The following FRMPD1 variants were observed in gnomAD, a reference collection of about 807,000 sequenced individuals.
FRMPD1 encodes FERM and PDZ domain containing 1.
Under a neutral mutation model 117.8 loss-of-function variants are expected in FRMPD1, and 76 were observed. The observed-to-expected ratio is 0.65, with a 90% CI of 0.54 to 0.78. The LOEUF is 0.78. Among genes scored for constraint, FRMPD1 ranks in the 30% least tolerant of loss-of-function variants. The pLI is 0.00. For missense variants in FRMPD1, 1,786 were observed against 1,964.5 expected, an observed-to-expected ratio of 0.91 and a Z score of 1.72; for synonymous variants, 783 against 770.4, an observed-to-expected ratio of 1.02 and a Z score of -0.27.
chr9:37,731,501 T>C (rs1022411693), intron 9 of FRMPD1, among the ~76,000 whole-genome samples: 1 of 152,234 alleles, frequency 6.6e-6, no homozygotes, highest in Non-Finnish European at 1.5e-5. Context: ...AACCTGGTTC[T>C]TGATCCGTGG....
intron 1 of FRMPD1, among the ~76,000 whole-genome samples, chr9:37,680,608 G>T (rs541134776): frequency 2.6e-5 from 4 of 152,122 alleles, no homozygotes; most frequent in Non-Finnish European, 4.4e-5. Context: ...GGTGATGGGG[G>T]TCCAGGGTGC....
At position 37,652,416 on chromosome 9, in the gene FRMPD1, C is replaced by T. The variant is rs530054617; in HGVS notation, c.-5+1322C>T. Among the ~76,000 whole-genome samples the T allele has an allele frequency of 7.2e-5, 11 of 152,216 alleles. No individual in the cohort carries two copies. In the South Asian group the frequency reaches 2.3e-3, roughly 32 times the overall value. Reference sequence around the variant, plus strand: ...TAGAAAGTGAAATTTATTCTTTTGCCCAATATCTTGTTCCCCTTGTGCTGC... The same window carrying T: ...TAGAAAGTGAAATTTATTCTTTTGCTCAATATCTTGTTCCCCTTGTGCTGC... On this transcript the variant is annotated intron_variant, in intron 1 of 15. Coordinates refer to ENST00000377765, the MANE Select transcript of FRMPD1 (RefSeq NM_014907.3).
intron 1 of FRMPD1, among the ~76,000 whole-genome samples, chr9:37,672,626 C>G (rs979739047): frequency 2.0e-5 from 3 of 152,080 alleles, no homozygotes; most frequent in Admixed American, 6.5e-5. Flanking sequence ...ACAGATCTAG[C>G]AAGTGGCATG....
At chr9:37,698,662 AGAGATTCTCCT>A (rs773439299) in intron 2 of FRMPD1, among the ~76,000 whole-genome samples, 7 of 147,674 alleles carry the variant, frequency 4.7e-5, no homozygotes, top group Non-Finnish European at 1.0e-4. Context: ...CCTGGGTTCA[AGAGATTCTCCT>A]GCCTCAGTCG....
In FRMPD1 at chr9:37,659,915, T is replaced by TA. The variant is rs36016239; in HGVS notation, c.-5+8840dup. On this transcript the variant is annotated intron_variant, in intron 1 of 15. Transcript: ENST00000377765. ...TGTTTGCAGTTGACTTTTCAAGCAC[T>TA]AAAAAAAAAAAAAAAAAAACAAAAC... is the stretch of plus-strand genomic sequence containing the variant. Among the ~76,000 whole-genome samples the TA allele has an allele frequency of 2.7e-3, 280 of 103,612 alleles. 2 individuals are homozygous for TA. The highest frequency in any genetic ancestry group is 0.011 in the Middle Eastern group (2 of 190). The allele number at this position is 103,612 out of a possible 152,430, so 68.0% of individuals were successfully genotyped here.
intron 1 of FRMPD1, among the ~76,000 whole-genome samples, chr9:37,685,491 A>AC (rs1821897210): frequency 6.6e-6 from 1 of 152,018 alleles, no homozygotes; most frequent in African/African-American, 2.4e-5. Flanking sequence ...AAAATACAAA[A>AC]AAAAAAAAAA....
rs150663101 is a variant in FRMPD1, at chr9:37,746,749, C to T, written c.4717C>T (p.Arg1573Trp). 68 of 1,613,838 alleles carry T rather than the reference C, an allele frequency of 4.2e-5. No homozygotes were observed. In the Admixed American group the frequency reaches 5.8e-4, roughly 14 times the overall value. Reference protein sequence around the residue: ...AAVFCLTQKFRASTAL With the variant: ...AAVFCLTQKFWASTAL ...CGTGTTCTGTTTGACCCAGAAGTTCCGGGCATCCACGGCCCTGTAAACAGG... is the reference window on the plus strand; with the variant it reads ...CGTGTTCTGTTTGACCCAGAAGTTCTGGGCATCCACGGCCCTGTAAACAGG... Residue 1573 changes from arginine (R) to tryptophan (W), a missense_variant, in exon 16 of 16, where the codon CGG (arginine) becomes TGG (tryptophan). Arg to Trp is a moderately radical substitution (Grantham distance 101). Coordinates refer to ENST00000377765, the MANE Select transcript of FRMPD1 (RefSeq NM_014907.3).
intron 5 of FRMPD1, among the ~76,000 whole-genome samples, chr9:37,717,445 T>C (rs1430267653): frequency 6.7e-6 from 1 of 149,650 alleles, no homozygotes; most frequent in Non-Finnish European, 1.5e-5. Flanking sequence ...AGTGGTGCAA[T>C]CTCGGCTCAC....
At position 37,740,712 on chromosome 9, in the gene FRMPD1, C is replaced by T. The variant is rs148986484; in HGVS notation, c.2184C>T (p.Ser728=). The T allele has an allele frequency of 5.4e-4, 876 of 1,614,070 alleles. 4 individuals are homozygous for T. The African/African-American group carries it at 0.01, about 19-fold the overall frequency. The change falls in exon 15 of 16, where the codon TCC becomes TCT. Residue 728 remains serine, a synonymous_variant. Transcript: ENST00000377765. The surrounding 1 kb of genome is among the most constrained non-coding windows in gnomAD (Gnocchi z 4.2). ...YLSDSSESTA[S]RQGGAPPAWG... ...GTGACAGTTCCGAGAGTACAGCTTC[C>T]CGGCAAGGGGGAGCCCCGCCAGCCT...
the FRMPD1 span, chr9:37,636,605 G>C: frequency 2.0e-6 from 2 of 1,004,776 alleles, no homozygotes; most frequent in Non-Finnish European, 2.8e-6. Context: ...TGCCCCAGGA[G>C]AGGAAGAGGG....
intron 1 of FRMPD1, among the ~76,000 whole-genome samples, chr9:37,675,240 T>C (rs1295964860): frequency 6.6e-6 from 1 of 151,836 alleles, no homozygotes; most frequent in Non-Finnish European, 1.5e-5. Flanking sequence ...TTGGCCAACA[T>C]GGTGAAACTC....
intron 6 of FRMPD1, among the ~76,000 whole-genome samples, chr9:37,722,896 T>C (rs916491490): frequency 4.6e-5 from 7 of 152,308 alleles, no homozygotes; most frequent in African/African-American, 1.7e-4. Flanking sequence ...TCATTTAGCA[T>C]TAGGTATATT....
At chr9:37,654,202 A>G (rs1820773561) in intron 1 of FRMPD1, among the ~76,000 whole-genome samples, 1 of 152,218 alleles carries the variant, frequency 6.6e-6, no homozygotes, top group Non-Finnish European at 1.5e-5. Flanking sequence ...GTCATTACAT[A>G]AATAAGGTAA....
In FRMPD1 at chr9:37,675,308, C is replaced by T. The variant is rs548167003; in HGVS notation, c.-4-17330C>T. Among the ~76,000 whole-genome samples, 146 of 152,028 alleles carry T rather than the reference C, an allele frequency of 9.6e-4. 1 individual carries two copies. The highest frequency in any genetic ancestry group is 3.5e-3 in the African/African-American group (144 of 41,456). On this transcript the variant is annotated intron_variant, in intron 1 of 15. Coordinates refer to ENST00000377765, the MANE Select transcript of FRMPD1 (RefSeq NM_014907.3). The stretch of plus-strand genomic sequence containing the variant: ...GTGGTGGCGCACACCAGTAATCCAG[C>T]TACTCGGGTGGCTGAGGCACAAGAA...
intron 1 of FRMPD1, among the ~76,000 whole-genome samples, chr9:37,670,999 A>G (rs893018782): frequency 6.6e-6 from 1 of 152,242 alleles, no homozygotes; most frequent in African/African-American, 2.4e-5. Context: ...GAATGGCTTT[A>G]TAGGAAACTT....
Position 37,740,875 on chromosome 9 carries a change from C to A in FRMPD1, c.2347C>A (p.Pro783Thr), listed in dbSNP as rs755916596. Residue 783 changes from proline (P) to threonine (T), a missense_variant, in exon 15 of 16, where the codon CCC becomes ACC. Transcript: ENST00000377765. The surrounding 1 kb of genome is among the most constrained non-coding windows in gnomAD (Gnocchi z 4.2). ...GGCTGATAAGCTCACTCCCCCAGGCCCCCCGTCAGGTGAGCCGTCCCTTGC... is the reference window on the plus strand; with the variant it reads ...GGCTGATAAGCTCACTCCCCCAGGCACCCCGTCAGGTGAGCCGTCCCTTGC... ...DAADKLTPPG[P>T]PSGPRDVSTA... 6.2e-7 allele frequency: 1 copy of A among 1,613,492 alleles called. No individual in the cohort carries two copies. The highest frequency in any genetic ancestry group is 2.2e-5 in the East Asian group (1 of 44,860).
intron 12 of FRMPD1, among the ~76,000 whole-genome samples, chr9:37,734,118 T>C (rs1206861630): frequency 6.6e-6 from 1 of 152,164 alleles, no homozygotes; most frequent in Non-Finnish European, 1.5e-5. Flanking sequence ...TCAGGCCTAT[T>C]GCTGTGGAGT....
At chr9:37,659,580 T>C (rs969016757) in intron 1 of FRMPD1, among the ~76,000 whole-genome samples, 6 of 152,160 alleles carry the variant, frequency 3.9e-5, no homozygotes, top group African/African-American at 1.4e-4. Flanking sequence ...GAATGTGCTC[T>C]GGACAAAGAA....
At chr9:37,652,851 A>G (rs912098741) in intron 1 of FRMPD1, among the ~76,000 whole-genome samples, 1 of 152,192 alleles carries the variant, frequency 6.6e-6, no homozygotes, top group African/African-American at 2.4e-5. Context: ...CAGGATCTTC[A>G]TTGTGGGCTT....
Sources: allele counts gnomAD v4.1 joint callset (sites outside exome capture counted in the v4.1 genomes callset), GRCh38; gene constraint gnomAD v4.1.1; non-coding constraint Gnocchi (gnomAD v3.1); transcripts MANE v1.5; gene names NCBI Gene and HGNC (gene_info 2026-07-23, HGNC 2026-07-21).